Variants in KCNU1 observed in about 807,000 individuals in gnomAD.
KCNU1 encodes the protein potassium calcium-activated channel subfamily U member 1.
In KCNU1, 93 loss-of-function variants were observed where a neutral mutation model predicts 126.8. The observed-to-expected ratio is 0.73, with a 90% CI of 0.62 to 0.87. The LOEUF (loss-of-function observed/expected upper bound fraction) is 0.87, where lower values mean the gene tolerates loss of function less well. Ranked by LOEUF, KCNU1 falls within the 40% of genes least tolerant of loss-of-function variation. The probability of loss-of-function intolerance (pLI) is 0.00; values close to 1 mark genes in which losing one functional copy is unlikely to be tolerated. For missense variants in KCNU1, 1,330 were observed against 1,367.1 expected (o/e 0.97, Z 0.43); for synonymous variants, 523 against 494.2 (o/e 1.06, Z -0.77).
chr8:36,915,004 A>G (rs147258500), intron 22 of KCNU1, among the ~76,000 whole-genome samples: 4 of 152,292 alleles, frequency 2.6e-5, no homozygotes, highest in Non-Finnish European at 5.9e-5. Flanking sequence ...CGAAAAGGAG[A>G]TGGAGTTAAG....
intron 23 of KCNU1, among the ~76,000 whole-genome samples, chr8:36,919,451 C>A (rs1022066132): frequency 2.1e-5 from 3 of 145,156 alleles, no homozygotes; most frequent in Admixed American, 2.1e-4. Flanking sequence ...AAAAAACTCT[C>A]GAAGAATTAA....
At chr8:36,849,779 A>G (rs1047549423) in intron 18 of KCNU1, among the ~76,000 whole-genome samples, 1 of 152,142 alleles carries the variant, frequency 6.6e-6, no homozygotes, top group African/African-American at 2.4e-5. Context: ...TAATGCTGCT[A>G]TGCACATTGG....
chr8:36,901,874 T>G (rs1807432734), intron 19 of KCNU1, among the ~76,000 whole-genome samples: 2 of 152,154 alleles, frequency 1.3e-5, no homozygotes, highest in South Asian at 2.1e-4. Flanking sequence ...TTGGTCAGGC[T>G]TTGACAGGTC....
At chr8:36,881,843 C>CACACACACAT (rs1806494387) in intron 19 of KCNU1, among the ~76,000 whole-genome samples, 3 of 133,508 alleles carry the variant, frequency 2.2e-5, no homozygotes, top group African/African-American at 5.6e-5. Context: ...CACACACACA[C>CACACACACAT]ATTCAAGTTT....
At chr8:36,791,399 GTATC>G (rs886378984) in intron 2 of KCNU1, among the ~76,000 whole-genome samples, 2 of 152,084 alleles carry the variant, frequency 1.3e-5, no homozygotes, top group Non-Finnish European at 2.9e-5. Flanking sequence ...TTTAGCAAAT[GTATC>G]TATTTTTAAC....
At position 36,845,599 on chromosome 8, in the gene KCNU1, C is replaced by T. The variant is rs1470630122; in HGVS notation, c.1723C>T (p.Pro575Ser). 3 of 1,607,130 alleles carry T rather than the reference C, an allele frequency of 1.9e-6. No individual in the cohort carries two copies. In the South Asian group the frequency reaches 3.3e-5, roughly 18 times the overall value. Residue 575 changes from proline (P) to serine (S), a missense_variant, in exon 17 of 27, where the codon CCT (proline) becomes TCT (serine). By Grantham distance (74) the Pro-to-Ser change is moderately conservative. Transcript: ENST00000399881. Reference protein sequence around the residue: ...DGFCGLILNPPPQVRIRKNTL... With the variant: ...DGFCGLILNPSPQVRIRKNTL... ...TTCCAGTGGTCTGATACTAAATCCA[C>T]CTCCACAAGTGAGGATACGTAAGAA...
At chr8:36,854,154 C>T (rs1204495028) in intron 18 of KCNU1, among the ~76,000 whole-genome samples, 1 of 152,120 alleles carries the variant, frequency 6.6e-6, no homozygotes, top group Non-Finnish European at 1.5e-5. Context: ...GACCCTCTGT[C>T]TTTGAGTCTT....
At chr8:36,911,753 A>T (rs1011282847) in intron 22 of KCNU1, among the ~76,000 whole-genome samples, 1 of 152,168 alleles carries the variant, frequency 6.6e-6, no homozygotes, top group Non-Finnish European at 1.5e-5. Context: ...GCCTATTGCA[A>T]TTACTGTCAT....
chr8:36,851,373 T>TTTC (rs1805338289), intron 18 of KCNU1, among the ~76,000 whole-genome samples: 3 of 140,276 alleles, frequency 2.1e-5, no homozygotes, highest in Non-Finnish European at 4.7e-5. Flanking sequence ...GGCACTTCCC[T>TTTC]TCTCTCTCTC....
intron 8 of KCNU1, among the ~76,000 whole-genome samples, chr8:36,814,966 T>C (rs970929832): frequency 2.6e-5 from 4 of 152,164 alleles, no homozygotes; most frequent in Non-Finnish European, 5.9e-5. Context: ...TTAACCCTCC[T>C]CTGTCCCATA....
intron 18 of KCNU1, among the ~76,000 whole-genome samples, chr8:36,854,421 T>A (rs923298779): frequency 1.3e-5 from 2 of 151,858 alleles, no homozygotes; most frequent in Non-Finnish European, 2.9e-5. Flanking sequence ...TTTTTTCTTC[T>A]GTCCCTCAAA....
At chr8:36,904,857 A>G (rs1355818594) in intron 19 of KCNU1, among the ~76,000 whole-genome samples, 1 of 152,094 alleles carries the variant, frequency 6.6e-6, no homozygotes, top group Admixed American at 6.6e-5. Flanking sequence ...AGTAACATAT[A>G]TAGTGTAGGT....
At chr8:36,927,771 T>C (rs1808577215) in intron 24 of KCNU1, among the ~76,000 whole-genome samples, 1 of 152,100 alleles carries the variant, frequency 6.6e-6, no homozygotes, top group African/African-American at 2.4e-5. Flanking sequence ...GGCAGCAACA[T>C]TTTCTAACAT....
chr8:36,845,560 T>G lies in KCNU1; in HGVS notation c.1704-20T>G. 7.1e-7 allele frequency: 1 copy of G among 1,413,454 alleles called. No individual in the cohort carries two copies. The highest frequency in any genetic ancestry group is 1.0e-6 in the Non-Finnish European group (1 of 1,000,268). The allele number at this position is 1,413,454 out of a possible 1,614,324, so 87.6% of individuals were successfully genotyped here. A position where few individuals can be genotyped will look rare whatever the true frequency, so the allele number is the denominator to read the frequency against. On this transcript the variant is annotated intron_variant, in intron 16 of 26. Transcript: ENST00000399881. ...GAAATCAGAGGGAAACATTACCATG[T>G]GTTTATTTTTTGTTTCCAGTGGTCT...
chr8:36,925,970 A>T (rs183621289), intron 24 of KCNU1, among the ~76,000 whole-genome samples: 46 of 152,232 alleles, frequency 3.0e-4, no homozygotes, highest in African/African-American at 1.0e-3. Flanking sequence ...GCTGATGACC[A>T]CAGTTCTCGT....
At chr8:36,835,121 C>T (rs535705469) in intron 12 of KCNU1, among the ~76,000 whole-genome samples, 133 of 152,166 alleles carry the variant, frequency 8.7e-4, no homozygotes, top group African/African-American at 3.1e-3. Flanking sequence ...TCTATAGTAG[C>T]CATCTGAATT....
At chr8:36,916,596 T>G (rs1356050863) in intron 22 of KCNU1, among the ~76,000 whole-genome samples, 3 of 152,160 alleles carry the variant, frequency 2.0e-5, no homozygotes, top group Non-Finnish European at 4.4e-5. Context: ...CAGAGATATT[T>G]TTAAGGAAAA....
In KCNU1 at chr8:36,787,350, C is replaced by A. The variant is rs1343641916; in HGVS notation, c.240C>A (p.Ser80Arg). 2.5e-6 allele frequency: 4 copies of A among 1,611,800 alleles called. No individual in the cohort carries two copies. Among genetic ancestry groups the A allele is most frequent in the Non-Finnish European group, 2.5e-6 (3 of 1,178,516 alleles). Reference protein sequence around the residue: ...SGTIARSHVRSLHFQGQFRDH... With the variant: ...SGTIARSHVRRLHFQGQFRDH... The stretch of plus-strand genomic sequence containing the variant: ...CCATCGCTAGGAGCCATGTAAGAAG[C>A]CTCCACTTCCAGGGACAATTTCGTG... Residue 80 changes from serine (S) to arginine (R), a missense_variant, in exon 2 of 27, where the codon AGC becomes AGA. Ser to Arg is a moderately radical substitution (Grantham distance 110, BLOSUM62 -1). Coordinates refer to ENST00000399881, the MANE Select transcript of KCNU1 (RefSeq NM_001031836.3).
At chr8:36,848,850 C>A (rs780952866) in intron 18 of KCNU1, among the ~76,000 whole-genome samples, 1 of 152,070 alleles carries the variant, frequency 6.6e-6, no homozygotes, top group South Asian at 2.1e-4. Flanking sequence ...CCTAGTCACC[C>A]CTTATCAACC....
Sources: gnomAD v4.1 joint callset for allele counts (sites outside exome capture counted in the v4.1 genomes callset) on GRCh38, gnomAD v4.1.1 for gene constraint, MANE v1.5 for transcripts, NCBI Gene and HGNC (gene_info 2026-07-23, HGNC 2026-07-21) for gene names.